Variants in CCT3 observed in about 807,000 individuals in gnomAD.
The protein encoded by CCT3 is T-complex protein 1 subunit gamma.
CCT3 carries 10 observed loss-of-function variants against 65.3 expected under a neutral mutation model. The ratio of observed to expected loss-of-function variants is 0.15; its 90% confidence interval spans 0.09 to 0.26. The LOEUF (loss-of-function observed/expected upper bound fraction) is 0.26. Ranked by LOEUF, CCT3 falls within the 10% of genes least tolerant of loss-of-function variation. The pLI, the probability that CCT3 is intolerant of heterozygous loss-of-function variation, is 1.00. For missense variants in CCT3, 626 were observed against 708.7 expected, an observed-to-expected ratio of 0.88 and a Z score of 1.33; for synonymous variants, 225 against 242.3, an observed-to-expected ratio of 0.93 and a Z score of 0.66.
chr1:156,330,184 T>G (rs1328102346), intron 5 of CCT3, among the ~76,000 whole-genome samples: 1 of 152,114 alleles, frequency 6.6e-6, no homozygotes, highest in Non-Finnish European at 1.5e-5. Context: ...TCATGTTCTA[T>G]TACAAAAAAT....
intron 10 of CCT3, among the ~76,000 whole-genome samples, chr1:156,314,890 A>T (rs1664242299): frequency 6.6e-6 from 1 of 152,304 alleles, no homozygotes; most frequent in South Asian, 2.1e-4. Flanking sequence ...ACTGCTTTTG[A>T]CTTCTTTTAT....
At chr1:156,325,832 C>T (rs1016818100) in intron 5 of CCT3, among the ~76,000 whole-genome samples, 1 of 152,066 alleles carries the variant, frequency 6.6e-6, no homozygotes, top group Non-Finnish European at 1.5e-5. Context: ...ATCTGTCCAC[C>T]TCGGCCACCC....
intron 7 of CCT3, among the ~76,000 whole-genome samples, chr1:156,320,632 G>A (rs1664509047): frequency 1.3e-5 from 2 of 152,040 alleles, no homozygotes; most frequent in Non-Finnish European, 2.9e-5. Flanking sequence ...TGTAGTCCTA[G>A]CAAATCAGAG....
At chr1:156,332,239 C>T (rs191160485) in intron 5 of CCT3, among the ~76,000 whole-genome samples, 24 of 152,258 alleles carry the variant, frequency 1.6e-4, no homozygotes, top group Admixed American at 9.8e-4. Context: ...GTCTCGAACT[C>T]CTGACCTCGT....
At chr1:156,325,221 C>T in intron 5 of CCT3, 132 bp from the exon 6 acceptor site, 1 of 683,828 alleles carries the variant, frequency 1.5e-6, no homozygotes, top group South Asian at 1.7e-5. Context: ...GCCATTCATA[C>T]TATTCCAAAT....
Position 156,334,849 on chromosome 1 carries a change from T to C in CCT3, c.144+19A>G, listed in dbSNP as rs199525023. 1.0e-4 allele frequency: 168 copies of C among 1,614,042 alleles called. No homozygotes were observed. In the African/African-American group the frequency reaches 2.1e-3, roughly 20 times the overall value. On this transcript the variant is annotated intron_variant, in intron 3 of 13. Transcript: ENST00000295688. ...GAAAAAAATTGTAGCCTAAGAGTTT[T>C]AGGAAGAGATAAGCCTACCTTCATC...
intron 6 of CCT3, among the ~76,000 whole-genome samples, chr1:156,322,280 T>C (rs1664588060): frequency 6.6e-6 from 1 of 152,124 alleles, no homozygotes; most frequent in African/African-American, 2.4e-5. Flanking sequence ...TAGGATCACC[T>C]GAGGTCAGGA....
At chr1:156,330,017 C>T (rs1373406776) in intron 5 of CCT3, among the ~76,000 whole-genome samples, 2 of 151,648 alleles carry the variant, frequency 1.3e-5, no homozygotes, top group Non-Finnish European at 2.9e-5. Context: ...AGAACTGTAA[C>T]AGAAGATTTC....
chr1:156,315,464 C>T (rs1251051999), intron 10 of CCT3, among the ~76,000 whole-genome samples: 4 of 152,196 alleles, frequency 2.6e-5, no homozygotes, highest in Non-Finnish European at 5.9e-5. Context: ...CTGCCTTGGC[C>T]TCCCAAAGTG....
At chr1:156,322,507 A>T (rs34398272) in intron 6 of CCT3, among the ~76,000 whole-genome samples, 32,348 of 151,784 alleles carry the variant, frequency 0.21, 3,668 homozygotes, top group Admixed American at 0.31. Flanking sequence ...CCCCAAAAAA[A>T]TTTTTTTAAT....
chr1:156,337,728 A>T (rs1665488301), intron 1 of CCT3: 1 of 205,374 alleles, frequency 4.9e-6, no homozygotes, highest in African/African-American at 2.3e-5. Context: ...TCCGTAATAC[A>T]GATTGAAACA....
intron 5 of CCT3, among the ~76,000 whole-genome samples, chr1:156,326,735 CCTT>C (rs1258167450): frequency 6.6e-6 from 1 of 151,774 alleles, no homozygotes; most frequent in Non-Finnish European, 1.5e-5. Flanking sequence ...TAAAACATCT[CCTT>C]CTTTTAAAAT....
intron 6 of CCT3, 28 bp downstream of exon 6, chr1:156,324,944 T>A (rs1664738439): frequency 6.9e-7 from 1 of 1,440,894 alleles, no homozygotes; most frequent in Non-Finnish European, 9.8e-7. Context: ...TCATATTTGA[T>A]ACTACCTATT....
intron 6 of CCT3, among the ~76,000 whole-genome samples, chr1:156,324,546 A>G (rs979887209): frequency 1.3e-5 from 2 of 152,036 alleles, no homozygotes; most frequent in Non-Finnish European, 2.9e-5. Context: ...ATCTTGGCTC[A>G]CTGCAATCTC....
At chr1:156,322,395 G>T (rs1387113643) in intron 6 of CCT3, among the ~76,000 whole-genome samples, 1 of 152,220 alleles carries the variant, frequency 6.6e-6, no homozygotes, top group East Asian at 1.9e-4. Context: ...TACTTGGGAG[G>T]CTGAGACAGA....
intron 13 of CCT3, 90 bp from the exon 14 acceptor site, chr1:156,309,393 G>A (rs568720903): frequency 1.7e-5 from 14 of 842,370 alleles, no homozygotes; most frequent in African/African-American, 1.0e-4. Flanking sequence ...ATGCTACTAT[G>A]GAACTGCCAT....
intron 10 of CCT3, among the ~76,000 whole-genome samples, chr1:156,314,922 G>C (rs2101635053): frequency 6.6e-6 from 1 of 152,284 alleles, no homozygotes; most frequent in East Asian, 1.9e-4. Context: ...TTCTATGATA[G>C]AGGCACTGAA....
At chr1:156,321,247 A>G (rs1353234957) in intron 6 of CCT3, among the ~76,000 whole-genome samples, 1 of 152,208 alleles carries the variant, frequency 6.6e-6, no homozygotes, top group African/African-American at 2.4e-5. Flanking sequence ...TAATTCCCTG[A>G]GCAACCCTTT....
At chr1:156,310,208 C>G (rs1044276973) in intron 13 of CCT3, among the ~76,000 whole-genome samples, 1 of 151,942 alleles carries the variant, frequency 6.6e-6, no homozygotes, top group East Asian at 1.9e-4. Context: ...CAAGACTAGA[C>G]CAGGCTGGGC....
Sources: gnomAD v4.1 joint callset for allele counts (sites outside exome capture counted in the v4.1 genomes callset) on GRCh38, gnomAD v4.1.1 for gene constraint, MANE v1.5 for transcripts, NCBI Gene and HGNC (gene_info 2026-07-23, HGNC 2026-07-21) for gene names.